The following LEPR variants were observed in gnomAD, a reference collection of about 807,000 sequenced individuals.
The protein encoded by LEPR is OB receptor.
Under a neutral mutation model 114.7 loss-of-function variants are expected in LEPR, and 56 were observed. The observed-to-expected ratio is 0.49, with a 90% CI of 0.39 to 0.61. The LOEUF is 0.61. Among genes scored for constraint, LEPR ranks in the 20% least tolerant of loss-of-function variants. The pLI is 0.00. For missense variants in LEPR, 1,202 were observed against 1,352.9 expected (o/e 0.89, Z 1.75); for synonymous variants, 443 against 461.4 (o/e 0.96, Z 0.51).
At chr1:65,434,444 G>A (rs1199465010) in intron 2 of LEPR, 1 of 985,204 alleles carries the variant, frequency 1.0e-6, no homozygotes, top group African/African-American at 1.7e-5. Context: ...TCTTTATCAT[G>A]TTTCAAACAA....
chr1:65,423,604 T>G (rs1402389453), intron 1 of LEPR, among the ~76,000 whole-genome samples: 1 of 152,158 alleles, frequency 6.6e-6, no homozygotes, highest in Non-Finnish European at 1.5e-5. Context: ...GCATTTTCCA[T>G]TAAAGAGTGG....
At chr1:65,576,053 C>G (rs1654560726) in intron 5 of LEPR, 1 of 151,778 alleles carries the variant, frequency 6.6e-6, no homozygotes, top group African/African-American at 2.5e-5. Flanking sequence ...CAACAACGTT[C>G]TTTCTAAAGC....
In LEPR at chr1:65,597,004, G is replaced by C. The variant is rs527257938; in HGVS notation, c.849+411G>C. Among the ~76,000 whole-genome samples the C allele has an allele frequency of 5.3e-5, 8 of 152,116 alleles. No individual in the cohort carries two copies. In the East Asian group the frequency reaches 1.5e-3, roughly 29 times the overall value. On this transcript the variant is annotated intron_variant, in intron 7 of 19. Coordinates refer to ENST00000349533, the MANE Select transcript of LEPR (RefSeq NM_002303.6). Reference sequence around the variant, plus strand: ...CCAGTTTTAGCAAAGAACTCTGCTAGGTCATTTTAGCAGGAACACCCCCAC... The same window carrying C: ...CCAGTTTTAGCAAAGAACTCTGCTACGTCATTTTAGCAGGAACACCCCCAC...
intron 5 of LEPR, among the ~76,000 whole-genome samples, chr1:65,579,277 A>T (rs556111252): frequency 6.6e-6 from 1 of 152,344 alleles, no homozygotes; most frequent in African/African-American, 2.4e-5. Context: ...AGACTAATGG[A>T]TAATGAATGT....
chr1:65,636,826 A>G lies in LEPR; in HGVS notation c.3309A>G (p.Pro1103=). The change falls in exon 20 of 20, where the codon CCA becomes CCG. Residue 1103 remains proline, a synonymous_variant. Coordinates refer to ENST00000349533, the MANE Select transcript of LEPR (RefSeq NM_002303.6). ...CTGACAAGTCAAGGGTATCGTGCCCATTCCCAGCCCCCTGTTTATTCACGG... is the reference window on the plus strand; with the variant it reads ...CTGACAAGTCAAGGGTATCGTGCCCGTTCCCAGCCCCCTGTTTATTCACGG... ...LLTDKSRVSC[P]FPAPCLFTDI... is the part of the protein sequence containing the mutation. The G allele has an allele frequency of 6.2e-7, 1 of 1,613,692 alleles. No homozygotes were observed. Among genetic ancestry groups the G allele is most frequent in the East Asian group, 2.2e-5 (1 of 44,876 alleles).
intron 15 of LEPR, 30 bp from the exon 16 acceptor site, chr1:65,617,934 T>A: frequency 6.3e-7 from 1 of 1,586,902 alleles, no homozygotes; most frequent in Admixed American, 1.7e-5. Context: ...ATTTTTAATT[T>A]AAAAATTAAT....
intron 2 of LEPR, among the ~76,000 whole-genome samples, chr1:65,479,541 G>T (rs533679445): frequency 1.3e-5 from 2 of 152,080 alleles, no homozygotes; most frequent in South Asian, 4.1e-4. Context: ...TACCAGCTTC[G>T]CTTCCAGAGA....
chr1:65,633,023 T>A lies in LEPR; in HGVS notation c.2674-3168T>A, dbSNP rs113928838. ...TGCCCTTTCCCAAAAGGATGCATTA[T>A]TGTAACCTAACACAAAAATTTATAG... On this transcript the variant is annotated intron_variant, in intron 19 of 19. Coordinates refer to ENST00000349533, the MANE Select transcript of LEPR (RefSeq NM_002303.6). The surrounding 1 kb of genome is among the most constrained non-coding windows in gnomAD (Gnocchi z 4.1). 2.4e-5 allele frequency: 18 copies of A among 760,924 alleles called. No individual in the cohort carries two copies. In the South Asian group the frequency reaches 3.0e-4, roughly 13 times the overall value. The allele number at this position is 760,924 out of a possible 1,614,324, so 47.1% of individuals were successfully genotyped here. A position where few individuals can be genotyped will look rare whatever the true frequency, so the allele number is the denominator to read the frequency against.
intron 2 of LEPR, among the ~76,000 whole-genome samples, chr1:65,429,507 G>A (rs992220681): frequency 6.6e-6 from 1 of 152,166 alleles, no homozygotes; most frequent in African/African-American, 2.4e-5. Context: ...GATCTTTACC[G>A]AACTAGCTTT....
At chr1:65,608,441 C>T (rs1047159993) in intron 11 of LEPR, among the ~76,000 whole-genome samples, 1 of 152,022 alleles carries the variant, frequency 6.6e-6, no homozygotes, top group Non-Finnish European at 1.5e-5. Context: ...CCGTGTTAGC[C>T]AGGATCGGCA....
At chr1:65,421,237 C>G in intron 1 of LEPR, 2 of 1,360,706 alleles carry the variant, frequency 1.5e-6, no homozygotes, top group Non-Finnish European at 1.9e-6. Context: ...TGGAAAGCAC[C>G]CAGAAAGACG....
chr1:65,568,736 T>C (rs1291905933), intron 3 of LEPR, among the ~76,000 whole-genome samples: 1 of 150,528 alleles, frequency 6.6e-6, no homozygotes, highest in Non-Finnish European at 1.5e-5. Context: ...TTTAGTTCTT[T>C]GAGAAATCTA....
At chr1:65,574,791 T>C (rs1056785675) in intron 5 of LEPR, among the ~76,000 whole-genome samples, 2 of 152,132 alleles carry the variant, frequency 1.3e-5, no homozygotes, top group Non-Finnish European at 2.9e-5. Flanking sequence ...TGTCTGAAGG[T>C]GTGAGTAGTG....
intron 6 of LEPR, among the ~76,000 whole-genome samples, chr1:65,595,391 C>CAGAT (rs1479473996): frequency 6.6e-6 from 1 of 151,994 alleles, no homozygotes; most frequent in Non-Finnish European, 1.5e-5. Context: ...TTACAGTATG[C>CAGAT]AGATAGGAAA....
At chr1:65,576,261 A>T (rs1239188240) in intron 5 of LEPR, 1 of 155,766 alleles carries the variant, frequency 6.4e-6, no homozygotes, top group Non-Finnish European at 1.4e-5. Context: ...TTTTCCCCAA[A>T]GGTCCATGTC....
intron 2 of LEPR, among the ~76,000 whole-genome samples, chr1:65,452,607 C>T (rs1429653605): frequency 3.3e-5 from 5 of 151,724 alleles, no homozygotes; most frequent in Admixed American, 6.6e-5. Context: ...ATTGAACCAG[C>T]CTTGCATCCC....
chr1:65,459,248 G>A (rs1646915336), intron 2 of LEPR, among the ~76,000 whole-genome samples: 1 of 152,204 alleles, frequency 6.6e-6, no homozygotes, highest in African/African-American at 2.4e-5. Context: ...GGTGTTGCCA[G>A]TGGTAGTTAC....
rs114551800 is a variant in LEPR, at chr1:65,578,325, G to A, written c.494+5876G>A. 820 of 225,382 alleles carry A rather than the reference G, an allele frequency of 3.6e-3. 11 individuals carry two copies. The highest frequency in any genetic ancestry group is 0.018 in the African/African-American group (786 of 43,584). 14.0% of individuals were successfully genotyped at this position (225,382 alleles called of 1,614,324 possible). A position where few individuals can be genotyped will look rare whatever the true frequency, so the allele number is the denominator to read the frequency against. ...ATGAACAAAAACCAAAACTGCACAG[G>A]TCACAGATGTAAAAATGTACCCATA... On this transcript the variant is annotated intron_variant, in intron 5 of 19. Coordinates refer to ENST00000349533, the MANE Select transcript of LEPR (RefSeq NM_002303.6).
intron 2 of LEPR, among the ~76,000 whole-genome samples, chr1:65,530,701 C>G (rs1233695585): frequency 1.3e-5 from 2 of 152,112 alleles, no homozygotes; most frequent in Non-Finnish European, 2.9e-5. Context: ...TTACTGCAAC[C>G]TGTTTTATCA....
Sources: gnomAD v4.1 joint callset for allele counts (sites outside exome capture counted in the v4.1 genomes callset) on GRCh38, gnomAD v4.1.1 for gene constraint, Gnocchi (gnomAD v3.1) non-coding constraint, MANE v1.5 for transcripts, NCBI Gene and HGNC (gene_info 2026-07-23, HGNC 2026-07-21) for gene names.